The following SMYD3 variants were observed in gnomAD, a reference collection of about 807,000 sequenced individuals.
SMYD3 encodes SET and MYND domain containing 3, also known as histone-lysine N-methyltransferase SMYD3.
In SMYD3, 36 loss-of-function variants were observed where a neutral mutation model predicts 57.7. The observed-to-expected ratio is 0.62, with a 90% CI of 0.48 to 0.82. SMYD3 has a LOEUF of 0.82. SMYD3 is among the 40% of genes least tolerant of loss of function. SMYD3 has a pLI of 0.00. For synonymous variants in SMYD3, 211 were observed against 195.0 expected (o/e 1.08, Z -0.68); for missense variants, 515 against 538.8 (o/e 0.96, Z 0.44).
intron 5 of SMYD3, among the ~76,000 whole-genome samples, chr1:246,079,919 C>A (rs572071025): frequency 6.6e-6 from 1 of 152,104 alleles, no homozygotes; most frequent in South Asian, 2.1e-4. Flanking sequence ...CAGTTTAATG[C>A]CCAAATAATT....
chr1:245,850,805 G>C (rs1022090372), intron 10 of SMYD3, among the ~76,000 whole-genome samples: 2 of 152,168 alleles, frequency 1.3e-5, no homozygotes, highest in African/African-American at 4.8e-5. Context: ...TGGACTGCTG[G>C]CTTCTGGGAG....
intron 1 of SMYD3, among the ~76,000 whole-genome samples, chr1:246,368,914 G>A (rs1216175517): frequency 6.6e-6 from 1 of 152,116 alleles, no homozygotes; most frequent in African/African-American, 2.4e-5. Context: ...CCTATATTGG[G>A]ACCTTGTAAT....
At chr1:246,280,490 A>G (rs531278989) in intron 5 of SMYD3, among the ~76,000 whole-genome samples, 1 of 152,268 alleles carries the variant, frequency 6.6e-6, no homozygotes, top group South Asian at 2.1e-4. Flanking sequence ...TAAAAATCTT[A>G]GAGAAGCTGG....
rs112232158 is a variant in SMYD3 at position 245,883,993 on chromosome 1, T to C, written c.814-20107A>G. On this transcript the variant is annotated intron_variant, in intron 8 of 11. Transcript: ENST00000490107. ...GGATGTCTAATATTTCTATTTAATCTCAAATATTAAATTTATACAGGGATA... is the reference window on the plus strand; with the variant it reads ...GGATGTCTAATATTTCTATTTAATCCCAAATATTAAATTTATACAGGGATA... Among the ~76,000 whole-genome samples the C allele has an allele frequency of 3.3e-3, 509 of 152,298 alleles. 4 individuals are homozygous for C. The highest frequency in any genetic ancestry group is 0.012 in the African/African-American group (484 of 41,564).
intron 1 of SMYD3, among the ~76,000 whole-genome samples, chr1:246,402,406 G>A (rs529134456): frequency 7.9e-4 from 71 of 90,390 alleles, no homozygotes; most frequent in African/African-American, 2.1e-3. Context: ...ATCTGAGCAC[G>A]TGATACCTCT....
intron 8 of SMYD3, among the ~76,000 whole-genome samples, chr1:245,878,085 G>A (rs966128499): frequency 1.3e-5 from 2 of 152,146 alleles, no homozygotes; most frequent in African/African-American, 4.8e-5. Flanking sequence ...ACTCAAAGGA[G>A]GTCAATGGAT....
intron 10 of SMYD3, among the ~76,000 whole-genome samples, chr1:245,807,601 C>A (rs1488944649): frequency 6.6e-6 from 1 of 152,128 alleles, no homozygotes; most frequent in Admixed American, 6.5e-5. Flanking sequence ...CACTCGAAAA[C>A]GGCCTTGCAT....
intron 1 of SMYD3, among the ~76,000 whole-genome samples, chr1:246,444,585 G>A (rs1214357069): frequency 2.0e-5 from 3 of 152,154 alleles, no homozygotes; most frequent in Non-Finnish European, 4.4e-5. Context: ...GAGGTAGGAA[G>A]GAAGACTCAC....
chr1:245,756,115 T>TAC (rs1022451344), intron 11 of SMYD3, among the ~76,000 whole-genome samples: 1 of 148,424 alleles, frequency 6.7e-6, no homozygotes, highest in South Asian at 2.1e-4. Context: ...TATATATATA[T>TAC]ACACACACAT....
chr1:246,373,578 T>C (rs1390458562), intron 1 of SMYD3, among the ~76,000 whole-genome samples: 1 of 152,138 alleles, frequency 6.6e-6, no homozygotes, highest in Non-Finnish European at 1.5e-5. Context: ...AAAAATCTAA[T>C]AGTTCTGGAT....
intron 5 of SMYD3, among the ~76,000 whole-genome samples, chr1:246,253,753 A>G (rs2063833154): frequency 6.6e-6 from 1 of 152,182 alleles, no homozygotes; most frequent in Admixed American, 6.5e-5. Flanking sequence ...TTTGGCTCTC[A>G]GCTTGAACGT....
chr1:245,824,118 C>T (rs888376971), intron 10 of SMYD3, among the ~76,000 whole-genome samples: 6 of 152,180 alleles, frequency 3.9e-5, no homozygotes, highest in African/African-American at 1.4e-4. Context: ...TGTCTGAAAG[C>T]ATCAGGGCCA....
intron 5 of SMYD3, among the ~76,000 whole-genome samples, chr1:245,993,171 T>G (rs762585908): frequency 3.2e-4 from 49 of 152,340 alleles, no homozygotes; most frequent in Middle Eastern, 6.8e-3. Context: ...TAACTCACTT[T>G]CTTCTCATCA....
intron 1 of SMYD3, among the ~76,000 whole-genome samples, chr1:246,413,738 T>C (rs1371020381): frequency 1.3e-5 from 2 of 151,954 alleles, no homozygotes; most frequent in African/African-American, 4.8e-5. Context: ...AGAGGCCTCA[T>C]CAGAAACCAA....
chr1:246,304,038 T>C (rs1287356370), intron 5 of SMYD3, among the ~76,000 whole-genome samples: 1 of 152,218 alleles, frequency 6.6e-6, no homozygotes, highest in Non-Finnish European at 1.5e-5. Flanking sequence ...GATAGTCTAC[T>C]AACCTAAAAA....
chr1:246,425,379 A>T lies in SMYD3; in HGVS notation c.165-70285T>A, dbSNP rs941164354. On this transcript the variant is annotated intron_variant, in intron 1 of 11. Coordinates refer to ENST00000490107, the MANE Select transcript of SMYD3 (RefSeq NM_001167740.2). ...ATCCATCTCCTCAGTTTGGTCTGTA[A>T]CTGGAGTATCTTCTACATCTCCACA... Among the ~76,000 whole-genome samples, 9 of 152,290 alleles carry T rather than the reference A, an allele frequency of 5.9e-5. No homozygotes were observed. In the East Asian group the frequency reaches 1.7e-3, roughly 29 times the overall value.
At chr1:246,205,442 C>A (rs904888186) in intron 5 of SMYD3, among the ~76,000 whole-genome samples, 1 of 152,186 alleles carries the variant, frequency 6.6e-6, no homozygotes, top group African/African-American at 2.4e-5. Flanking sequence ...AGGAAAAGCA[C>A]AATATGAGGG....
rs2065357980 is a variant in SMYD3 at position 246,326,628 on chromosome 1, G to C, written c.531+573C>G. On this transcript the variant is annotated intron_variant, in intron 5 of 11. Transcript: ENST00000490107. ...AAAAAACAAAATTTAGCTGGGCGTG[G>C]TGGCTCATGCCTGTAATCCCAGCTA... 1.6e-5 allele frequency: 6 copies of C among 380,116 alleles called. No homozygotes were observed. In the East Asian group the frequency reaches 2.7e-4, roughly 17 times the overall value. The allele number at this position is 380,116 out of a possible 1,614,324, so 23.5% of individuals were successfully genotyped here.
intron 10 of SMYD3, among the ~76,000 whole-genome samples, chr1:245,767,003 G>A (rs1219355607): frequency 1.3e-5 from 2 of 152,170 alleles, no homozygotes; most frequent in Non-Finnish European, 2.9e-5. Context: ...AGGCCTCCCA[G>A]CTGACATAGA....
Sources: allele counts gnomAD v4.1 joint callset (sites outside exome capture counted in the v4.1 genomes callset), GRCh38; gene constraint gnomAD v4.1.1; transcripts MANE v1.5; gene names NCBI Gene and HGNC (gene_info 2026-07-23, HGNC 2026-07-21).